FHIP2A: variants seen among roughly 807,000 people sequenced by gnomAD.
FHIP2A encodes the protein FHF complex subunit HOOK interacting protein 2A.
Under a neutral mutation model 93.5 loss-of-function variants are expected in FHIP2A, and 46 were observed. That is an observed-to-expected ratio of 0.49 (90% confidence interval 0.39 to 0.63). The LOEUF (loss-of-function observed/expected upper bound fraction) is 0.63. FHIP2A is among the 20% of genes least tolerant of loss of function. The pLI is 0.00. For synonymous variants in FHIP2A, 332 were observed against 326.5 expected (o/e 1.02, Z -0.18); for missense variants, 769 against 909.7 (o/e 0.85, Z 1.99).
chr10:114,899,781 A>G (rs2084018286), exon 17 of FHIP2A: 2 of 434,506 alleles, frequency 4.6e-6, no homozygotes, highest in Non-Finnish European at 4.0e-6. Flanking sequence ...CACCACAAGT[A>G]TAAAAAATAC....
intron 5 of FHIP2A, among the ~76,000 whole-genome samples, chr10:114,840,833 G>A (rs2083664391): frequency 1.3e-5 from 2 of 152,168 alleles, no homozygotes; most frequent in Admixed American, 6.5e-5. Flanking sequence ...ATGATTTCCT[G>A]ATGGAGATAA....
chr10:114,874,571 T>C (rs555179844), intron 16 of FHIP2A, among the ~76,000 whole-genome samples: 1 of 152,312 alleles, frequency 6.6e-6, no homozygotes, highest in Non-Finnish European at 1.5e-5. Context: ...GGCACAATCT[T>C]GGCTCAGTGC....
intron 7 of FHIP2A, among the ~76,000 whole-genome samples, chr10:114,844,861 C>T (rs1453500255): frequency 3.3e-5 from 5 of 152,026 alleles, no homozygotes; most frequent in East Asian, 3.9e-4. Context: ...CTTGGCTTAC[C>T]GCAACCTCCG....
chr10:114,825,252 T>C (rs1254655074), intron 1 of FHIP2A, among the ~76,000 whole-genome samples: 1 of 152,170 alleles, frequency 6.6e-6, no homozygotes, highest in Non-Finnish European at 1.5e-5. Flanking sequence ...TCTCACATTT[T>C]TGGGCTTGAG....
chr10:114,842,649 A>C (rs1005599978), intron 5 of FHIP2A, among the ~76,000 whole-genome samples: 1 of 152,130 alleles, frequency 6.6e-6, no homozygotes, highest in African/African-American at 2.4e-5. Flanking sequence ...CCTCACTAAC[A>C]TTAGTTGTTT....
At chr10:114,893,114 G>C (rs1483849630) in intron 16 of FHIP2A, among the ~76,000 whole-genome samples, 1 of 152,026 alleles carries the variant, frequency 6.6e-6, no homozygotes, top group Non-Finnish European at 1.5e-5. Flanking sequence ...AATCCACTTC[G>C]AGGAATCTTT....
chr10:114,862,920 A>G lies in FHIP2A; in HGVS notation c.*1380A>G. On this transcript the variant is annotated 3_prime_UTR_variant, in exon 17 of 17. Transcript: ENST00000369248. ...AAGTTATTTTATGTAGCATGTTTGC[A>G]TATACGCATTGTGTGGCATGTGCAT... 3 of 985,460 alleles carry G rather than the reference A, an allele frequency of 3.0e-6. No individual in the cohort carries two copies. Among genetic ancestry groups the G allele is most frequent in the Non-Finnish European group, 3.6e-6 (3 of 829,936 alleles). The allele number at this position is 985,460 out of a possible 1,614,324, so 61.0% of individuals were successfully genotyped here. A position where few individuals can be genotyped will look rare whatever the true frequency, so the allele number is the denominator to read the frequency against.
intron 5 of FHIP2A, among the ~76,000 whole-genome samples, chr10:114,839,834 A>G (rs1481629491): frequency 6.7e-6 from 1 of 150,018 alleles, no homozygotes; most frequent in African/African-American, 2.5e-5. Flanking sequence ...GTAAGCCAAG[A>G]TCACGCCACT....
chr10:114,826,284 A>G lies in FHIP2A; in HGVS notation c.45+4161A>G, dbSNP rs559461872. 3.3e-5 allele frequency among the ~76,000 whole-genome samples: 5 copies of G among 152,330 alleles called. No homozygotes were observed. The East Asian group carries it at 5.8e-4, about 18-fold the overall frequency. On this transcript the variant is annotated intron_variant, in intron 1 of 16. Coordinates refer to ENST00000369248, the MANE Select transcript of FHIP2A (RefSeq NM_020940.4). ...TACAAGTTAGATTACAGAATAAGGA[A>G]TGCCTAAGAATGTGTTCTAGCCCAT... is the stretch of plus-strand genomic sequence containing the variant.
intron 16 of FHIP2A, among the ~76,000 whole-genome samples, chr10:114,887,378 C>T (rs1432074105): frequency 6.6e-6 from 1 of 152,194 alleles, no homozygotes; most frequent in Non-Finnish European, 1.5e-5. Flanking sequence ...TTTTATGATA[C>T]TATGTGCCTG....
intron 13 of FHIP2A, among the ~76,000 whole-genome samples, chr10:114,854,159 C>CCAATCTGT (rs1275707693): frequency 7.3e-6 from 1 of 136,182 alleles, no homozygotes; most frequent in Non-Finnish European, 1.6e-5. Context: ...TTTTTTATTT[C>CCAATCTGT]CAATCTGTCA....
intron 16 of FHIP2A, among the ~76,000 whole-genome samples, chr10:114,872,778 G>A (rs528862545): frequency 6.6e-6 from 1 of 152,302 alleles, no homozygotes; most frequent in African/African-American, 2.4e-5. Flanking sequence ...ATGCAATGGA[G>A]TACTAGCATA....
At chr10:114,865,600 C>T (rs1206915392), downstream of FHIP2A, among the ~76,000 whole-genome samples, 3 of 152,036 alleles carry the variant, frequency 2.0e-5, no homozygotes, top group Non-Finnish European at 4.4e-5. Context: ...CCTCCTTGCC[C>T]TTCAAAAGAA....
intron 2 of FHIP2A, among the ~76,000 whole-genome samples, chr10:114,831,563 T>C (rs535893276): frequency 6.6e-6 from 1 of 152,322 alleles, no homozygotes; most frequent in African/African-American, 2.4e-5. Context: ...GCTACAATTA[T>C]GGGGAAAACA....
At chr10:114,893,001 A>G (rs139917388) in intron 16 of FHIP2A, among the ~76,000 whole-genome samples, 40 of 152,186 alleles carry the variant, frequency 2.6e-4, no homozygotes, top group African/African-American at 8.9e-4. Flanking sequence ...TAGCTTATGG[A>G]TGTTTTATTT....
chr10:114,889,147 C>T (rs1269192280), intron 16 of FHIP2A, among the ~76,000 whole-genome samples: 3 of 151,886 alleles, frequency 2.0e-5, no homozygotes, highest in African/African-American at 7.2e-5. Flanking sequence ...GTTTATGAGG[C>T]CACCCGCATC....
intron 5 of FHIP2A, among the ~76,000 whole-genome samples, chr10:114,841,107 C>G (rs1450335671): frequency 6.6e-6 from 1 of 152,022 alleles, no homozygotes; most frequent in Non-Finnish European, 1.5e-5. Context: ...TTATCAAGCC[C>G]CACAGAAGAC....
At chr10:114,833,187 A>C (rs1592014545) in intron 2 of FHIP2A, 46 bp from the exon 3 acceptor site, 2 of 1,461,558 alleles carry the variant, frequency 1.4e-6, no homozygotes, top group Non-Finnish European at 1.9e-6. Flanking sequence ...GCAAATATGC[A>C]GTTTAAAAAT....
downstream of FHIP2A, chr10:114,864,744 T>C: frequency 1.0e-6 from 1 of 962,140 alleles, no homozygotes; most frequent in Non-Finnish European, 1.2e-6. Flanking sequence ...AAAATTCTAA[T>C]TGGGAACATT....
Sources: allele counts gnomAD v4.1 joint callset (sites outside exome capture counted in the v4.1 genomes callset), GRCh38; gene constraint gnomAD v4.1.1; transcripts MANE v1.5; gene names NCBI Gene and HGNC (gene_info 2026-07-23, HGNC 2026-07-21).